The following MRAP2 variants were observed in gnomAD, a reference collection of about 807,000 sequenced individuals.
MRAP2 encodes melanocortin-2 receptor accessory protein 2.
A neutral mutation model predicts 17.4 loss-of-function variants in MRAP2; 20 were observed. The ratio of observed to expected loss-of-function variants is 1.15; its 90% CI spans 0.81 to 1.67. The LOEUF (loss-of-function observed/expected upper bound fraction) is 1.67. Among genes scored for constraint, MRAP2 ranks in the 40% most tolerant of loss-of-function variants. MRAP2 has a pLI of 0.00. For synonymous variants in MRAP2, 96 were observed against 88.4 expected, an observed-to-expected ratio of 1.09 and a Z score of -0.48; for missense variants, 238 against 240.0, an observed-to-expected ratio of 0.99 and a Z score of 0.05.
chr6:84,050,868 C>G (rs1392590388), intron 1 of MRAP2, among the ~76,000 whole-genome samples: 1 of 152,196 alleles, frequency 6.6e-6, no homozygotes, highest in Non-Finnish European at 1.5e-5. Flanking sequence ...ATTAGGTCTT[C>G]CCCTGTACAA....
At chr6:84,101,210 T>A in the MRAP2 span, among the ~76,000 whole-genome samples, 1 of 152,208 alleles carries the variant, frequency 6.6e-6, no homozygotes, top group East Asian at 1.9e-4. Flanking sequence ...AACTCAGACC[T>A]ACTGAATATA....
At chr6:84,114,005 T>C in the MRAP2 span, among the ~76,000 whole-genome samples, 5 of 152,364 alleles carry the variant, frequency 3.3e-5, no homozygotes, top group East Asian at 9.6e-4. Flanking sequence ...TTGCTGCCTT[T>C]AACATTTTTT....
the MRAP2 span, among the ~76,000 whole-genome samples, chr6:84,129,331 C>T: frequency 3.9e-5 from 6 of 152,198 alleles, no homozygotes; most frequent in African/African-American, 1.4e-4. Flanking sequence ...ATTCCTATTT[C>T]TCCGCATCCT....
chr6:84,064,664 T>G (rs996775649), intron 3 of MRAP2, among the ~76,000 whole-genome samples: 7 of 152,146 alleles, frequency 4.6e-5, no homozygotes, highest in Non-Finnish European at 7.3e-5. Context: ...CTTTTTTGTA[T>G]TTTTAGTAGA....
intron 3 of MRAP2, among the ~76,000 whole-genome samples, chr6:84,073,646 T>G (rs1329986142): frequency 6.6e-6 from 1 of 152,252 alleles, no homozygotes. Context: ...TATCACATAC[T>G]GTGCCAAGCA....
chr6:84,089,103 C>T lies in MRAP2; in HGVS notation c.240C>T (p.Ser80=), dbSNP rs2129176705. 1 of 1,612,206 alleles carries T rather than the reference C, an allele frequency of 6.2e-7. No individual in the cohort carries two copies. The highest frequency in any genetic ancestry group is 8.5e-7 in the Non-Finnish European group (1 of 1,179,332). ...TTTTTTTAAATAGCAATGCAGAGTC[C>T]TCAGAGAAGAGATTCAGAATGAACA... ...TGAPHQDNAE[S]SEKRFRMNSF... Residue 80 remains serine (S), a synonymous_variant, in exon 4 of 4, where the codon TCC becomes TCT. Transcript: ENST00000257776.
chr6:84,061,854 G>A, intron 2 of MRAP2: 8 of 985,452 alleles, frequency 8.1e-6, no homozygotes, highest in Non-Finnish European at 8.4e-6. Context: ...AGTGCTTTAT[G>A]TGTGGAATCT....
the MRAP2 span, among the ~76,000 whole-genome samples, chr6:84,130,121 T>C: frequency 1.3e-5 from 2 of 152,324 alleles, no homozygotes; most frequent in East Asian, 1.9e-4. Flanking sequence ...GAGATAATCA[T>C]ATGGTTTTTG....
At chr6:84,144,201 G>A in the MRAP2 span, among the ~76,000 whole-genome samples, 1 of 151,898 alleles carries the variant, frequency 6.6e-6, no homozygotes, top group African/African-American at 2.4e-5. Flanking sequence ...AAAGTAATTA[G>A]GCTTATTTGA....
intron 1 of MRAP2, among the ~76,000 whole-genome samples, chr6:84,035,707 A>G (rs561075748): frequency 2.6e-5 from 4 of 152,294 alleles, no homozygotes; most frequent in South Asian, 4.1e-4. Context: ...CTTCTGAGCT[A>G]GCCCCATTCT....
the MRAP2 span, among the ~76,000 whole-genome samples, chr6:84,132,985 G>T: frequency 6.6e-6 from 1 of 152,070 alleles, no homozygotes; most frequent in Non-Finnish European, 1.5e-5. Context: ...CCCCATCTTT[G>T]TGGTTTTATC....
At chr6:84,088,790 C>A (rs1444559845) in intron 3 of MRAP2, among the ~76,000 whole-genome samples, 1 of 152,132 alleles carries the variant, frequency 6.6e-6, no homozygotes, top group Admixed American at 6.5e-5. Context: ...TGCAAATGGT[C>A]CAAGAATTCC....
the MRAP2 span, among the ~76,000 whole-genome samples, chr6:84,131,676 T>G: frequency 2.7e-4 from 35 of 127,516 alleles, no homozygotes; most frequent in African/African-American, 1.0e-3. Flanking sequence ...TTTTTTTTTG[T>G]TTTGTTTTCC....
chr6:84,119,149 G>A, the MRAP2 span, among the ~76,000 whole-genome samples: 2 of 152,104 alleles, frequency 1.3e-5, no homozygotes, highest in African/African-American at 4.8e-5. Flanking sequence ...GCTTATGATT[G>A]TTTTAGCTAC....
At chr6:84,133,500 C>G in the MRAP2 span, among the ~76,000 whole-genome samples, 5 of 152,144 alleles carry the variant, frequency 3.3e-5, no homozygotes. Context: ...CCTTGAGTTG[C>G]GGTGGGCTCC....
At chr6:84,113,578 A>C in the MRAP2 span, among the ~76,000 whole-genome samples, 1 of 152,146 alleles carries the variant, frequency 6.6e-6, no homozygotes, top group African/African-American at 2.4e-5. Context: ...CATTTAGGAC[A>C]TTTACATTTA....
chr6:84,115,079 T>C, the MRAP2 span, among the ~76,000 whole-genome samples: 1 of 152,174 alleles, frequency 6.6e-6, no homozygotes, highest in African/African-American at 2.4e-5. Flanking sequence ...AGGCAGTCTG[T>C]CTCTTAGCAG....
At chr6:84,081,694 T>C (rs1196229157) in intron 3 of MRAP2, among the ~76,000 whole-genome samples, 1 of 152,194 alleles carries the variant, frequency 6.6e-6, no homozygotes, top group Non-Finnish European at 1.5e-5. Context: ...TGACACATGC[T>C]TGTAATCCTA....
At chr6:84,124,348 G>A in the MRAP2 span, 3 of 151,862 alleles carry the variant, frequency 2.0e-5, no homozygotes, top group African/African-American at 4.8e-5. Context: ...AAGAAAACGT[G>A]AGATATATAT....
Sources: gnomAD v4.1 joint callset for allele counts (sites outside exome capture counted in the v4.1 genomes callset) on GRCh38, gnomAD v4.1.1 for gene constraint, MANE v1.5 for transcripts, NCBI Gene and HGNC (gene_info 2026-07-23, HGNC 2026-07-21) for gene names.